HSDL1: variants seen among roughly 807,000 people sequenced by gnomAD.
The protein encoded by HSDL1 is inactive hydroxysteroid dehydrogenase-like protein 1.
In HSDL1, 29 loss-of-function variants were observed where a neutral mutation model predicts 31.5. The ratio of observed to expected loss-of-function variants is 0.92; its 90% CI spans 0.69 to 1.26. The LOEUF (loss-of-function observed/expected upper bound fraction) is 1.26. HSDL1 is among the 50% of genes most tolerant of loss of function. The pLI is 0.00. For missense variants in HSDL1, 503 were observed against 416.6 expected, an observed-to-expected ratio of 1.21 and a Z score of -1.81; for synonymous variants, 222 against 155.2, an observed-to-expected ratio of 1.43 and a Z score of -3.20.
chr16:84,140,791 G>A (rs1182239088), intron 1 of HSDL1, among the ~76,000 whole-genome samples: 1 of 152,100 alleles, frequency 6.6e-6, no homozygotes, highest in Non-Finnish European at 1.5e-5. Flanking sequence ...TATACCCCAA[G>A]CATGTATTCT....
chr16:84,125,822 G>A (rs1012011780), intron 5 of HSDL1, among the ~76,000 whole-genome samples: 19 of 152,170 alleles, frequency 1.2e-4, no homozygotes, highest in Non-Finnish European at 8.8e-5. Context: ...CCACAAAATC[G>A]GCTGGGCACG....
intron 2 of HSDL1, among the ~76,000 whole-genome samples, 195 bp from the exon 3 acceptor site, chr16:84,131,522 T>A (rs77976410): frequency 0.12 from 17,182 of 140,722 alleles, 1,256 homozygotes; most frequent in Non-Finnish European, 0.18. Context: ...TCTATCTATC[T>A]ATCTATCTAT....
chr16:84,131,561 C>A lies in HSDL1; in HGVS notation c.-6-234G>T, dbSNP rs370798434. On this transcript the variant is annotated intron_variant, in intron 2 of 5. Transcript: ENST00000219439. The stretch of plus-strand genomic sequence containing the variant: ...ACAGAGTCTCACCCTGTCGCCCAGG[C>A]TGGAGTGCAGTGGTGCGATTTTGGC... Among the ~76,000 whole-genome samples the A allele has an allele frequency of 9.0e-4, 137 of 152,294 alleles. 4 individuals carry two copies. In the South Asian group the frequency reaches 0.026, roughly 29 times the overall value.
rs1456066710 is a variant in HSDL1, at chr16:84,122,161, CT to C, written c.*2468del. On this transcript the variant is annotated 3_prime_UTR_variant, in exon 6 of 6. Transcript: ENST00000219439. ...AACAATTTTGTTACTGACGTGTCAGCTTTTAATCAGTTATGACCACTGTTGT... is the reference window on the plus strand; with the variant it reads ...AACAATTTTGTTACTGACGTGTCAGCTTTAATCAGTTATGACCACTGTTGT... 7 of 152,588 alleles carry C rather than the reference CT, an allele frequency of 4.6e-5. No individual in the cohort carries two copies. The highest frequency in any genetic ancestry group is 1.7e-4 in the African/African-American group (7 of 41,434). 9.5% of individuals were successfully genotyped at this position (152,588 alleles called of 1,614,324 possible).
intron 1 of HSDL1, among the ~76,000 whole-genome samples, chr16:84,135,943 G>A (rs561217021): frequency 4.6e-5 from 7 of 152,318 alleles, no homozygotes; most frequent in African/African-American, 1.2e-4. Flanking sequence ...GGGAAACACC[G>A]CCCAGGCACC....
chr16:84,134,565 T>A (rs62045762), intron 2 of HSDL1, among the ~76,000 whole-genome samples: 1 of 151,892 alleles, frequency 6.6e-6, no homozygotes, highest in Non-Finnish European at 1.5e-5. Flanking sequence ...TGAGCCAAGA[T>A]TGCACCACTG....
intron 4 of HSDL1, 37 bp downstream of exon 4, chr16:84,129,949 G>A: frequency 2.5e-6 from 4 of 1,579,814 alleles, no homozygotes; most frequent in Non-Finnish European, 3.5e-6. Context: ...ATGTTCTGTG[G>A]CATTAGGATT....
intron 5 of HSDL1, among the ~76,000 whole-genome samples, chr16:84,125,517 T>C (rs138291913): frequency 0.011 from 1,449 of 137,834 alleles, 27 homozygotes; most frequent in African/African-American, 0.038. Context: ...CCAATCACAA[T>C]AAATACCCAC....
chr16:84,124,239 C>T lies in HSDL1; in HGVS notation c.*391G>A, dbSNP rs2086580855. ...GTCTTTCTTGATGCACATTTAAAAA[C>T]CAGCACAACTCCTCTAGTGAAATGG... On this transcript the variant is annotated 3_prime_UTR_variant, in exon 6 of 6. Coordinates refer to ENST00000219439, the MANE Select transcript of HSDL1 (RefSeq NM_031463.5). 1 of 166,556 alleles carries T rather than the reference C, an allele frequency of 6.0e-6. No individual in the cohort carries two copies. Among genetic ancestry groups the T allele is most frequent in the Admixed American group, 5.9e-5 (1 of 17,020 alleles). 10.3% of individuals were successfully genotyped at this position (166,556 alleles called of 1,614,324 possible). A position where few individuals can be genotyped will look rare whatever the true frequency, so the allele number is the denominator to read the frequency against.
chr16:84,139,591 C>T (rs1050073638), intron 1 of HSDL1, among the ~76,000 whole-genome samples: 12 of 152,186 alleles, frequency 7.9e-5, no homozygotes, highest in African/African-American at 2.4e-4. Flanking sequence ...ACATCTGTGT[C>T]ATTTTAAGCC....
At chr16:84,134,149 T>C (rs1403950211) in intron 2 of HSDL1, among the ~76,000 whole-genome samples, 1 of 152,086 alleles carries the variant, frequency 6.6e-6, no homozygotes, top group Non-Finnish European at 1.5e-5. Context: ...GCATACCTGT[T>C]TCCAGATCTG....
rs368413296 is a variant in HSDL1, at chr16:84,129,699, G to A, written c.743C>T (p.Pro248Leu). The change falls in exon 5 of 6, where the codon CCT becomes CTT. Residue 248 changes from proline to leucine, a missense_variant. By Grantham distance (98) the Pro-to-Leu change is moderately conservative. Transcript: ENST00000219439. ...SKGIFVQSLI[P>L]FYVATSMTAP... ...TGTCATGCTGGTGGCTACATAGAAA[G>A]GGATTAGACTCTGTACAAAGATTCC... is the stretch of plus-strand genomic sequence containing the variant. The A allele has an allele frequency of 1.4e-5, 23 of 1,614,072 alleles. No homozygotes were observed. The highest frequency in any genetic ancestry group is 1.9e-5 in the Non-Finnish European group (23 of 1,180,026).
At position 84,124,662 on chromosome 16, in the gene HSDL1, G is replaced by C. The variant is rs759951539; in HGVS notation, c.961C>G (p.Leu321Val). 25 of 1,613,772 alleles carry C rather than the reference G, an allele frequency of 1.5e-5. No individual in the cohort carries two copies. Among genetic ancestry groups the C allele is most frequent in the South Asian group, 2.2e-5 (2 of 91,084 alleles). ...VWGANILNRS[L>V]RKEALSCTA Reference sequence around the variant, plus strand: ...GTGCAGGATAAGGCTTCCTTACGTAGTGAACGGTTGAGAATATTTGCTCCC... The same window carrying C: ...GTGCAGGATAAGGCTTCCTTACGTACTGAACGGTTGAGAATATTTGCTCCC... The change falls in exon 6 of 6, where the codon CTA becomes GTA. Residue 321 changes from leucine (L) to valine (V), a missense_variant. Transcript: ENST00000219439.
At chr16:84,129,812 T>A (rs1335822389) in intron 4 of HSDL1, 37 bp from the exon 5 acceptor site, 1 of 1,537,234 alleles carries the variant, frequency 6.5e-7, no homozygotes, top group East Asian at 2.3e-5. Context: ...CTTTTAATTC[T>A]GGGTGAACTT....
intron 5 of HSDL1, 117 bp from the exon 6 acceptor site, chr16:84,124,845 C>T (rs569930797): frequency 1.6e-6 from 1 of 644,058 alleles, no homozygotes; most frequent in South Asian, 1.7e-5. Flanking sequence ...ACCAATCAAT[C>T]ACAACAAATA....
At chr16:84,126,016 T>C (rs1233998617) in intron 5 of HSDL1, among the ~76,000 whole-genome samples, 2 of 147,698 alleles carry the variant, frequency 1.4e-5, no homozygotes, top group Non-Finnish European at 3.0e-5. Context: ...GGCAGGAAAA[T>C]GGTGTGAACC....
chr16:84,131,294 A>G lies in HSDL1; in HGVS notation c.28T>C (p.Leu10=), dbSNP rs560929926. The change falls in exon 3 of 6, where the codon TTG becomes CTG. Residue 10 remains leucine (L), a synonymous_variant. Transcript: ENST00000219439. MAAVDSFYL[L]YREIARSCNC... ...CAAGACCTGGCGATTTCCCTGTACAAGAGGTAGAAACTGTCAACAGCAGCC... is the reference window on the plus strand; with the variant it reads ...CAAGACCTGGCGATTTCCCTGTACAGGAGGTAGAAACTGTCAACAGCAGCC... 16 of 1,614,116 alleles carry G rather than the reference A, an allele frequency of 9.9e-6. No homozygotes were observed. Among genetic ancestry groups the G allele is most frequent in the African/African-American group, 9.3e-5 (7 of 75,060 alleles).
chr16:84,139,611 G>A (rs2086746650), intron 1 of HSDL1, among the ~76,000 whole-genome samples: 1 of 152,218 alleles, frequency 6.6e-6, no homozygotes, highest in Admixed American at 6.5e-5. Context: ...CACTACCTTT[G>A]TGGCAATTTG....
intron 3 of HSDL1, 178 bp downstream of exon 3, chr16:84,130,924 G>A: frequency 1.6e-6 from 1 of 610,722 alleles, no homozygotes; most frequent in Non-Finnish European, 2.9e-6. Flanking sequence ...CATGAGGCCA[G>A]TTCTTCCTAA....
Sources: allele counts gnomAD v4.1 joint callset (sites outside exome capture counted in the v4.1 genomes callset), GRCh38; gene constraint gnomAD v4.1.1; transcripts MANE v1.5; gene names NCBI Gene and HGNC (gene_info 2026-07-23, HGNC 2026-07-21).